PRR16: variants seen among roughly 807,000 people sequenced by gnomAD.
The protein encoded by PRR16 is protein Largen.
PRR16 carries 6 observed loss-of-function variants against 18.2 expected under a neutral mutation model. The ratio of observed to expected loss-of-function variants is 0.33; its 90% CI spans 0.18 to 0.65. The LOEUF is 0.65. Among genes scored for constraint, PRR16 ranks in the 30% least tolerant of loss-of-function variants. The pLI is 0.74. For missense variants in PRR16, 412 were observed against 376.6 expected (o/e 1.09, Z -0.78); for synonymous variants, 151 against 147.8 (o/e 1.02, Z -0.16).
chr5:120,767,708 T>C, the PRR16 span, among the ~76,000 whole-genome samples: 79 of 151,862 alleles, frequency 5.2e-4, no homozygotes, highest in Admixed American at 1.1e-3. Context: ...CAGGAAGAAA[T>C]TGCCTATTAA....
At chr5:120,695,407 C>T in the PRR16 span, among the ~76,000 whole-genome samples, 20 of 152,000 alleles carry the variant, frequency 1.3e-4, no homozygotes, top group Non-Finnish European at 2.4e-4. Context: ...GCTTTTCAAT[C>T]TCTCTCATTT....
At chr5:120,667,994 AT>A (rs1561604896) in intron 1 of PRR16, among the ~76,000 whole-genome samples, 1 of 152,026 alleles carries the variant, frequency 6.6e-6, no homozygotes, top group Admixed American at 6.6e-5. Flanking sequence ...GCTGAGTTCA[AT>A]TCCTGGGTAT....
the PRR16 span, among the ~76,000 whole-genome samples, chr5:120,743,527 G>A: frequency 6.6e-6 from 1 of 151,486 alleles, no homozygotes; most frequent in Non-Finnish European, 1.5e-5. Flanking sequence ...GTAGTGAACT[G>A]TCTGAAGACA....
Position 120,655,734 on chromosome 5 carries a change from T to TG in PRR16, c.160-30220_160-30219insG, listed in dbSNP as rs1038744579. Among the ~76,000 whole-genome samples, 37 of 32,706 alleles carry TG rather than the reference T, an allele frequency of 1.1e-3. 1 individual carries two copies. The highest frequency in any genetic ancestry group is 0.048 in the East Asian group (2 of 42). 21.5% of individuals were successfully genotyped at this position (32,706 alleles called of 152,430 possible). A position where few individuals can be genotyped will look rare whatever the true frequency, so the allele number is the denominator to read the frequency against. On this transcript the variant is annotated intron_variant, in intron 1 of 1. Coordinates refer to ENST00000407149, the MANE Select transcript of PRR16 (RefSeq NM_001300783.2). ...GGATGATAGCAATTGACTTTTTTTT[T>TG]TTGTTTTTTTTTTTCTGAATGCAAC...
At chr5:120,580,542 C>A (rs973478749) in intron 1 of PRR16, among the ~76,000 whole-genome samples, 1 of 150,770 alleles carries the variant, frequency 6.6e-6, no homozygotes, top group Non-Finnish European at 1.5e-5. Flanking sequence ...GCAAGCTCCA[C>A]CTCCCAGGTT....
intron 1 of PRR16, among the ~76,000 whole-genome samples, chr5:120,560,406 G>A (rs529801859): frequency 6.7e-6 from 1 of 149,782 alleles, no homozygotes; most frequent in African/African-American, 2.4e-5. Context: ...CTTTTTTTTT[G>A]TACTTCATTC....
the PRR16 span, among the ~76,000 whole-genome samples, chr5:120,759,676 A>G: frequency 6.6e-6 from 1 of 152,176 alleles, no homozygotes; most frequent in Non-Finnish European, 1.5e-5. Context: ...AGTGTATACA[A>G]ATTAAAAAAT....
intron 1 of PRR16, among the ~76,000 whole-genome samples, chr5:120,645,414 G>C (rs1290216574): frequency 7.5e-6 from 1 of 134,098 alleles, no homozygotes; most frequent in Non-Finnish European, 1.5e-5. Context: ...GGCAGAAAGA[G>C]AGTGAGAGAA....
chr5:120,783,719 G>C, the PRR16 span, among the ~76,000 whole-genome samples: 1 of 151,912 alleles, frequency 6.6e-6, no homozygotes, highest in East Asian at 1.9e-4. Context: ...TTTGTGTTGG[G>C]AACATTCCAA....
chr5:120,683,324 CT>C (rs1373151472), intron 1 of PRR16, among the ~76,000 whole-genome samples: 104 of 151,994 alleles, frequency 6.8e-4, no homozygotes, highest in African/African-American at 2.3e-3. Context: ...AATCCCGTCT[CT>C]TTTTGTATTT....
chr5:120,590,851 T>C (rs1753610512), intron 1 of PRR16, among the ~76,000 whole-genome samples: 1 of 152,184 alleles, frequency 6.6e-6, no homozygotes, highest in Admixed American at 6.6e-5. Context: ...TGAATGTGTA[T>C]ATCAATTACT....
the PRR16 span, among the ~76,000 whole-genome samples, chr5:120,734,956 G>T: frequency 6.6e-6 from 1 of 152,116 alleles, no homozygotes; most frequent in South Asian, 2.1e-4. Flanking sequence ...TTTCACAACA[G>T]ATCTCCAGAA....
chr5:120,594,126 A>C (rs1259550383), intron 1 of PRR16, among the ~76,000 whole-genome samples: 1 of 152,156 alleles, frequency 6.6e-6, no homozygotes, highest in Non-Finnish European at 1.5e-5. Context: ...ACACCTATTA[A>C]ACATAGTATT....
intron 1 of PRR16, among the ~76,000 whole-genome samples, chr5:120,527,765 T>A (rs945284126): frequency 1.3e-5 from 2 of 152,168 alleles, no homozygotes; most frequent in African/African-American, 4.8e-5. Context: ...CCTATTTGAG[T>A]GTTCCCAGAT....
the PRR16 span, among the ~76,000 whole-genome samples, chr5:120,753,374 A>G: frequency 6.6e-6 from 1 of 152,008 alleles, no homozygotes; most frequent in African/African-American, 2.4e-5. Context: ...CATTCAAGTA[A>G]GAGGAAGAAC....
At chr5:120,676,875 A>G (rs1234772410) in intron 1 of PRR16, among the ~76,000 whole-genome samples, 2 of 152,162 alleles carry the variant, frequency 1.3e-5, no homozygotes, top group African/African-American at 4.8e-5. Flanking sequence ...GACATTGGAC[A>G]TTTTCAGAAG....
intron 1 of PRR16, among the ~76,000 whole-genome samples, chr5:120,616,616 G>T (rs1344741412): frequency 6.6e-6 from 1 of 152,118 alleles, no homozygotes; most frequent in Admixed American, 6.5e-5. Flanking sequence ...CACATTAGTT[G>T]CGTGTTTATA....
chr5:120,788,321 C>T, the PRR16 span, among the ~76,000 whole-genome samples: 3 of 151,988 alleles, frequency 2.0e-5, no homozygotes, highest in Admixed American at 6.6e-5. Flanking sequence ...TAAGCTGTAG[C>T]AGCTTATCAA....
chr5:120,621,085 C>A (rs981905361), intron 1 of PRR16, among the ~76,000 whole-genome samples: 1 of 152,108 alleles, frequency 6.6e-6, no homozygotes, highest in Non-Finnish European at 1.5e-5. Flanking sequence ...CCTCCAAAAT[C>A]CTGAGTCCTT....
Sources: gnomAD v4.1 joint callset for allele counts (sites outside exome capture counted in the v4.1 genomes callset) on GRCh38, gnomAD v4.1.1 for gene constraint, MANE v1.5 for transcripts, NCBI Gene and HGNC (gene_info 2026-07-23, HGNC 2026-07-21) for gene names.